The following CDH3 variants were observed in gnomAD, a reference collection of about 807,000 sequenced individuals.
CDH3 encodes the protein cadherin-3.
A neutral mutation model predicts 82.0 loss-of-function variants in CDH3; 54 were observed. That is an observed-to-expected ratio of 0.66 (90% CI 0.53 to 0.83). The LOEUF is 0.83. CDH3 is among the 40% of genes least tolerant of loss of function. The pLI is 0.00. For missense variants in CDH3, 1,054 were observed against 1,084.6 expected (o/e 0.97, Z 0.40); for synonymous variants, 446 against 437.9 (o/e 1.02, Z -0.23).
chr16:68,720,184 C>CA (rs1962144725), intron 1 of CDH3, among the ~76,000 whole-genome samples: 1 of 151,084 alleles, frequency 6.6e-6, no homozygotes, highest in African/African-American at 2.4e-5. Context: ...CAAACCAAAA[C>CA]AAAAAACCTC....
chr16:68,715,183 TG>T (rs1962078673), intron 1 of CDH3, among the ~76,000 whole-genome samples: 1 of 151,996 alleles, frequency 6.6e-6, no homozygotes, highest in South Asian at 2.1e-4. Context: ...CCCAACTCTT[TG>T]GAAGGCTGAG....
intron 12 of CDH3, among the ~76,000 whole-genome samples, chr16:68,688,381 A>G (rs1252640155): frequency 6.6e-6 from 1 of 151,970 alleles, no homozygotes; most frequent in Non-Finnish European, 1.5e-5. Flanking sequence ...CCAGGTCAGG[A>G]GTTCGAGACC....
At position 68,678,797 on chromosome 16, in the gene CDH3, A is replaced by C. The variant is rs148063369; in HGVS notation, c.582A>C (p.Ser194=). The part of the protein sequence containing the change: ...FGHAVSENGA[S]VEDPMNISII... ...ACGCTGTGTCAGAGAATGGTGCCTC[A>C]GTGGAGGACCCCATGAACATCTCCA... Residue 194 remains serine, a synonymous_variant, in exon 6 of 16, where the codon TCA becomes TCC. Coordinates refer to ENST00000264012, the MANE Select transcript of CDH3 (RefSeq NM_001793.6). The C allele has an allele frequency of 9.9e-5, 160 of 1,614,178 alleles. No homozygotes were observed. The East Asian group carries it at 3.1e-3, about 31-fold the overall frequency.
rs753823213 is a variant in CDH3, at chr16:68,695,416, G to T, written c.2133+31G>T. 3.8e-6 allele frequency: 6 copies of T among 1,588,294 alleles called. No homozygotes were observed. In the African/African-American group the frequency reaches 8.0e-5, roughly 21 times the overall value. ...GCACTGGGGGCTCTGGGATTGGGAG[G>T]TGGATGCCCCTAAGGCCACTGGCAG... is the stretch of plus-strand genomic sequence containing the variant. On this transcript the variant is annotated intron_variant, in intron 14 of 15. Transcript: ENST00000264012.
intron 2 of CDH3, among the ~76,000 whole-genome samples, chr16:68,665,517 A>G (rs1350058943): frequency 1.3e-5 from 2 of 152,216 alleles, no homozygotes. Context: ...TTAAGCAGCA[A>G]TAAATGGCTT....
chr16:68,706,811 C>T (rs191460298), intron 1 of CDH3, among the ~76,000 whole-genome samples: 5 of 152,212 alleles, frequency 3.3e-5, no homozygotes, highest in Admixed American at 2.0e-4. Flanking sequence ...GCCTCAGCCT[C>T]ACAAAGTTCT....
At chr16:68,687,876 G>C in intron 12 of CDH3, 140 bp downstream of exon 12, 1 of 688,998 alleles carries the variant, frequency 1.5e-6, no homozygotes, top group Non-Finnish European at 2.6e-6. Flanking sequence ...ACCTCAATCA[G>C]ATGCTATTTA....
At chr16:68,687,199 C>G (rs1435298517) in intron 11 of CDH3, among the ~76,000 whole-genome samples, 3 of 152,176 alleles carry the variant, frequency 2.0e-5, no homozygotes, top group African/African-American at 7.2e-5. Context: ...GAGGTTGCAG[C>G]AGGGCTGTGA....
intron 1 of CDH3, among the ~76,000 whole-genome samples, chr16:68,721,319 T>G (rs1962162365): frequency 6.8e-6 from 1 of 147,882 alleles, no homozygotes; most frequent in Non-Finnish European, 1.5e-5. Context: ...CTGCAACCTC[T>G]GCCTCCCAGT....
chr16:68,678,773 C>A lies in CDH3; in HGVS notation c.558C>A (p.His186Gln), dbSNP rs775627086. The part of the protein sequence containing the change: ...EEIAKYELFG[H>Q]AVSENGASVE... ...TGTGTACCCCACAGCTCTTTGGCCA[C>A]GCTGTGTCAGAGAATGGTGCCTCAG... is the stretch of plus-strand genomic sequence containing the variant. Residue 186 changes from histidine to glutamine, a missense_variant, in exon 6 of 16, where the codon CAC (histidine) becomes CAA (glutamine). His to Gln is a conservative substitution (Grantham distance 24, BLOSUM62 0). Coordinates refer to ENST00000264012, the MANE Select transcript of CDH3 (RefSeq NM_001793.6). The A allele has an allele frequency of 6.2e-7, 1 of 1,614,156 alleles. No individual in the cohort carries two copies. The highest frequency in any genetic ancestry group is 1.7e-5 in the Admixed American group (1 of 60,016).
intron 1 of CDH3, among the ~76,000 whole-genome samples, chr16:68,711,239 G>A (rs1036908501): frequency 2.6e-5 from 4 of 152,022 alleles, no homozygotes; most frequent in Admixed American, 2.6e-4. Flanking sequence ...GAACCCAGAA[G>A]GCGGAGGTTG....
intron 8 of CDH3, 109 bp downstream of exon 8, chr16:68,681,205 CTA>C: frequency 8.1e-7 from 1 of 1,237,106 alleles, no homozygotes; most frequent in Non-Finnish European, 1.2e-6. Flanking sequence ...AGTCTCAGCA[CTA>C]TGGCTGTGTG....
downstream of CDH3, among the ~76,000 whole-genome samples, chr16:68,729,239 A>C (rs8063312): frequency 0.81 from 123,967 of 152,118 alleles, 51,104 homozygotes; most frequent in Non-Finnish European, 0.89. Context: ...CGGGAGGCGG[A>C]GGTTGCAGTG....
chr16:68,722,242 T>C (rs1169671284), intron 1 of CDH3, among the ~76,000 whole-genome samples: 2 of 152,160 alleles, frequency 1.3e-5, no homozygotes, highest in African/African-American at 2.4e-5. Context: ...AGCCAAGCAT[T>C]TGTGCATGCT....
At chr16:68,687,933 C>T (rs990787186) in intron 12 of CDH3, among the ~76,000 whole-genome samples, 197 bp downstream of exon 12, 2 of 151,300 alleles carry the variant, frequency 1.3e-5, no homozygotes, top group African/African-American at 2.4e-5. Flanking sequence ...CCTAAAAGAC[C>T]ATTCTAGCCC....
At chr16:68,685,163 C>T in intron 10 of CDH3, 42 bp from the exon 11 acceptor site, 2 of 1,608,898 alleles carry the variant, frequency 1.2e-6, no homozygotes, top group South Asian at 1.1e-5. Flanking sequence ...CATCAGAATT[C>T]TAAATATTCT....
intron 2 of CDH3, among the ~76,000 whole-genome samples, chr16:68,665,355 T>A (rs1388510461): frequency 6.6e-6 from 1 of 152,074 alleles, no homozygotes; most frequent in East Asian, 1.9e-4. Flanking sequence ...TGAGCCGAGA[T>A]CATGCCACTG....
intron 2 of CDH3, among the ~76,000 whole-genome samples, chr16:68,672,793 G>T (rs1266888407): frequency 1.3e-5 from 2 of 152,324 alleles, no homozygotes; most frequent in East Asian, 1.9e-4. Context: ...TGGGCTCTGA[G>T]GCAGCTCTTT....
intron 2 of CDH3, among the ~76,000 whole-genome samples, chr16:68,646,373 G>A (rs1960063231): frequency 6.6e-6 from 1 of 152,284 alleles, no homozygotes; most frequent in East Asian, 1.9e-4. Context: ...CGCCCCCAGC[G>A]TCTGGGGCCT....
Sources: allele counts gnomAD v4.1 joint callset (sites outside exome capture counted in the v4.1 genomes callset), GRCh38; gene constraint gnomAD v4.1.1; transcripts MANE v1.5; gene names NCBI Gene and HGNC (gene_info 2026-07-23, HGNC 2026-07-21).